The following CDH18 variants were observed in gnomAD, a reference collection of about 807,000 sequenced individuals.
CDH18 encodes cadherin-18.
In CDH18, 31 loss-of-function variants were observed where a neutral mutation model predicts 67.9. The ratio of observed to expected loss-of-function variants is 0.46; its 90% CI spans 0.34 to 0.62. CDH18 has a LOEUF of 0.62. Among genes scored for constraint, CDH18 ranks in the 20% least tolerant of loss-of-function variants. The pLI is 0.01. For missense variants in CDH18, 890 were observed against 975.5 expected, an observed-to-expected ratio of 0.91 and a Z score of 1.17; for synonymous variants, 362 against 347.2, an observed-to-expected ratio of 1.04 and a Z score of -0.48.
intron 11 of CDH18, among the ~76,000 whole-genome samples, chr5:19,489,078 TAC>T (rs1183951245): frequency 1.3e-5 from 2 of 152,038 alleles, no homozygotes; most frequent in Admixed American, 1.3e-4. Context: ...CCTGGATAAA[TAC>T]AGTGTCCATT....
At position 20,360,135 on chromosome 5, in the gene CDH18, ATTCTATAATATATAG is replaced by A. The variant is rs1741974530; in HGVS notation, c.-579-104645_-579-104631del. On this transcript the variant is annotated intron_variant, in intron 1 of 14. Coordinates refer to the CDH18 transcript ENST00000507958. ...TAATATATGTTATATATTATATATA[ATTCTATAATATATAG>A]TTATATTATTGTAACTATAATAAAC... Among the ~76,000 whole-genome samples the A allele has an allele frequency of 4.0e-5, 3 of 75,188 alleles. No homozygotes were observed. The South Asian group carries it at 1.1e-3, about 29-fold the overall frequency. The allele number at this position is 75,188 out of a possible 152,430, so 49.3% of individuals were successfully genotyped here.
At chr5:19,495,402 T>C (rs1419966092) in intron 11 of CDH18, among the ~76,000 whole-genome samples, 1 of 152,038 alleles carries the variant, frequency 6.6e-6, no homozygotes, top group African/African-American at 2.4e-5. Context: ...CAGTTTTTGA[T>C]CGACAAATTC....
chr5:20,130,317 C>A (rs1749163633), intron 2 of CDH18, among the ~76,000 whole-genome samples: 1 of 151,028 alleles, frequency 6.6e-6, no homozygotes, highest in Non-Finnish European at 1.5e-5. Context: ...ATCCTCTGGG[C>A]AGTCTGACAG....
Position 19,483,379 on chromosome 5 carries a change from C to T in CDH18, c.1804G>A (p.Ala602Thr), listed in dbSNP as rs990300676. Residue 602 changes from alanine (A) to threonine (T), a missense_variant, in exon 12 of 13, where the codon GCA becomes ACA. Around this residue, in one of 2 missense-constraint regions of CDH18, gnomAD observed 656 missense variants for 668.1 expected, o/e 0.98. Coordinates refer to ENST00000382275, the MANE Select transcript of CDH18 (RefSeq NM_004934.5). The part of the protein sequence containing the change: ...ERDGRVRTCH[A>T]EAFLSSAGLS... ...CCAGCCGAGGACAGGAAGGCTTCTGCATGGCAGGTCCGCACACGCCCATCT... is the reference window on the plus strand; with the variant it reads ...CCAGCCGAGGACAGGAAGGCTTCTGTATGGCAGGTCCGCACACGCCCATCT... 9 of 1,614,098 alleles carry T rather than the reference C, an allele frequency of 5.6e-6. No homozygotes were observed. Among genetic ancestry groups the T allele is most frequent in the Admixed American group, 1.7e-5 (1 of 60,014 alleles).
rs368580232 is a variant in CDH18, at chr5:19,914,010, A to C, written c.-257+67050T>G. On this transcript the variant is annotated intron_variant, in intron 2 of 12. Transcript: ENST00000382275. ...ATATGATTCTCTAAAAAATGAGACC[A>C]TTAGGATCATAGAGCAGATAGTGTG... 5.3e-5 allele frequency among the ~76,000 whole-genome samples: 8 copies of C among 152,248 alleles called. No individual in the cohort carries two copies. The East Asian group carries it at 7.7e-4, about 15-fold the overall frequency.
intron 2 of CDH18, among the ~76,000 whole-genome samples, chr5:20,213,056 CA>C (rs1740476529): frequency 6.6e-6 from 1 of 152,076 alleles, no homozygotes; most frequent in South Asian, 2.1e-4. Context: ...ATGTGTGTTT[CA>C]ACATGTGTGT....
intron 1 of CDH18, among the ~76,000 whole-genome samples, chr5:20,344,735 G>A (rs1303304556): frequency 6.6e-6 from 1 of 152,102 alleles, no homozygotes; most frequent in Non-Finnish European, 1.5e-5. Context: ...TATTATGGGT[G>A]AGAAACACCC....
At chr5:20,401,794 A>G (rs1193668792) in intron 1 of CDH18, among the ~76,000 whole-genome samples, 1 of 152,202 alleles carries the variant, frequency 6.6e-6, no homozygotes. Flanking sequence ...TTCCATTTCC[A>G]TAACTGGTTT....
intron 4 of CDH18, among the ~76,000 whole-genome samples, chr5:19,744,536 A>ACACC (rs1312450487): frequency 6.6e-6 from 1 of 151,698 alleles, no homozygotes; most frequent in Admixed American, 6.6e-5. Context: ...ACACACACAC[A>ACACC]CACATCTATT....
intron 1 of CDH18, among the ~76,000 whole-genome samples, chr5:20,258,057 T>C (rs1338390461): frequency 6.6e-6 from 1 of 152,108 alleles, no homozygotes; most frequent in Non-Finnish European, 1.5e-5. Flanking sequence ...AATTTATAGG[T>C]TTATAATATA....
intron 1 of CDH18, among the ~76,000 whole-genome samples, chr5:20,350,352 T>A (rs1442357409): frequency 6.6e-6 from 1 of 152,122 alleles, no homozygotes; most frequent in Non-Finnish European, 1.5e-5. Flanking sequence ...TTAATTTAAT[T>A]CAAAGAAGTC....
chr5:19,886,709 C>T (rs1022779091), intron 2 of CDH18, among the ~76,000 whole-genome samples: 2 of 152,144 alleles, frequency 1.3e-5, no homozygotes, highest in African/African-American at 4.8e-5. Flanking sequence ...AAAGTGAAAG[C>T]ACCTGTGTAA....
chr5:19,590,280 A>T (rs1001266069), intron 7 of CDH18, among the ~76,000 whole-genome samples: 2 of 152,128 alleles, frequency 1.3e-5, no homozygotes, highest in Admixed American at 6.6e-5. Flanking sequence ...GAAGACATTG[A>T]TATTTTATAT....
chr5:20,396,264 C>A (rs1283957739), intron 1 of CDH18, among the ~76,000 whole-genome samples: 1 of 152,062 alleles, frequency 6.6e-6, no homozygotes, highest in African/African-American at 2.4e-5. Flanking sequence ...AATTAGAGGA[C>A]ACCCAGCTGG....
At chr5:20,564,028 T>A (rs142592524) in intron 1 of CDH18, among the ~76,000 whole-genome samples, 168 of 152,196 alleles carry the variant, frequency 1.1e-3, no homozygotes, top group Non-Finnish European at 1.9e-3. Context: ...AATTAGATCA[T>A]GTTACCCCAT....
At chr5:20,037,085 C>A (rs972834680) in intron 2 of CDH18, among the ~76,000 whole-genome samples, 5 of 152,008 alleles carry the variant, frequency 3.3e-5, no homozygotes. Context: ...AAGTCTGTGT[C>A]TTTTAATTGG....
chr5:20,386,354 T>C (rs1744310336), intron 1 of CDH18, among the ~76,000 whole-genome samples: 1 of 152,202 alleles, frequency 6.6e-6, no homozygotes, highest in South Asian at 2.1e-4. Context: ...AATGTGAGCA[T>C]GTCAGCTAGA....
chr5:20,239,808 G>C (rs1001380254), intron 2 of CDH18, among the ~76,000 whole-genome samples: 1 of 151,838 alleles, frequency 6.6e-6, no homozygotes, highest in Admixed American at 6.6e-5. Flanking sequence ...ACTGTTGCTT[G>C]CTTTTTGTTT....
chr5:20,163,337 TA>T (rs985093466), intron 2 of CDH18, among the ~76,000 whole-genome samples: 1 of 152,058 alleles, frequency 6.6e-6, no homozygotes, highest in Non-Finnish European at 1.5e-5. Flanking sequence ...CCCAATTTTC[TA>T]AAAAAAGTAT....
Sources: gnomAD v4.1 joint callset for allele counts (sites outside exome capture counted in the v4.1 genomes callset) on GRCh38, gnomAD v4.1.1 for gene constraint, gnomAD v4.1.1 regional missense constraint, MANE v1.5 for transcripts, NCBI Gene and HGNC (gene_info 2026-07-23, HGNC 2026-07-21) for gene names.